SHISA5: variants seen among roughly 807,000 people sequenced by gnomAD.
SHISA5 encodes the protein protein shisa-5.
SHISA5 carries 21 observed loss-of-function variants against 27.5 expected under a neutral mutation model. That is an observed-to-expected ratio of 0.76 (90% confidence interval 0.54 to 1.10). The LOEUF is 1.10. Ranked by LOEUF, SHISA5 falls within the 50% of genes least tolerant of loss-of-function variation. The probability of loss-of-function intolerance (pLI) is 0.00; values close to 1 mark genes in which losing one functional copy is unlikely to be tolerated. For missense variants in SHISA5, 314 were observed against 336.3 expected, an observed-to-expected ratio of 0.93 and a Z score of 0.52; for synonymous variants, 137 against 142.2, an observed-to-expected ratio of 0.96 and a Z score of 0.26.
Position 48,473,049 on chromosome 3 carries a change from C to T in SHISA5, c.315-3206G>A. 2.0e-6 allele frequency: 3 copies of T among 1,531,542 alleles called. No individual in the cohort carries two copies. The highest frequency in any genetic ancestry group is 2.6e-6 in the Non-Finnish European group (3 of 1,145,766). The allele number at this position is 1,531,542 out of a possible 1,614,324, so 94.9% of individuals were successfully genotyped here. A position where few individuals can be genotyped will look rare whatever the true frequency, so the allele number is the denominator to read the frequency against. ...TGCCTTCACCCAGAGGCCTCCTGTA[C>T]CCCTGGGCTTTCCCCTCTTCCCATC... On this transcript the variant is annotated intron_variant, in intron 3 of 5. Coordinates refer to ENST00000296444, the MANE Select transcript of SHISA5 (RefSeq NM_016479.6). The surrounding 1 kb of genome is among the most constrained non-coding windows in gnomAD (Gnocchi z 4.3).
intron 2 of SHISA5, among the ~76,000 whole-genome samples, chr3:48,492,000 T>C (rs1233671696): frequency 1.3e-5 from 2 of 151,584 alleles, no homozygotes; most frequent in African/African-American, 4.8e-5. Context: ...CATTCATATC[T>C]GATTTTGATA....
chr3:48,502,353 G>A (rs749157722), intron 1 of SHISA5: 8 of 456,566 alleles, frequency 1.8e-5, no homozygotes, highest in Middle Eastern at 6.5e-4. Flanking sequence ...TTAGCCCCGC[G>A]CTGGGCCTGC....
chr3:48,483,091 ATT>A (rs71074250), intron 2 of SHISA5, among the ~76,000 whole-genome samples: 5 of 142,896 alleles, frequency 3.5e-5, no homozygotes, highest in Admixed American at 7.1e-5. Context: ...CACCTAGCTA[ATT>A]TTTTTTTTTT....
chr3:48,471,718 T>C (rs973607489), intron 3 of SHISA5, among the ~76,000 whole-genome samples: 2 of 150,086 alleles, frequency 1.3e-5, no homozygotes, highest in African/African-American at 4.9e-5. Flanking sequence ...TTCGAGAAAG[T>C]ATAAAAAAAA....
intron 2 of SHISA5, among the ~76,000 whole-genome samples, chr3:48,484,426 T>C (rs1405482639): frequency 6.6e-6 from 1 of 151,754 alleles, no homozygotes; most frequent in Non-Finnish European, 1.5e-5. Flanking sequence ...TGAAACCCTG[T>C]CTCTACTAAA....
chr3:48,478,290 T>A (rs2040889034), intron 3 of SHISA5, among the ~76,000 whole-genome samples: 1 of 152,188 alleles, frequency 6.6e-6, no homozygotes, highest in Non-Finnish European at 1.5e-5. Flanking sequence ...CCTGCCCTGA[T>A]TCTGCTGTAG....
At chr3:48,499,536 C>T (rs1182004916) in intron 2 of SHISA5, among the ~76,000 whole-genome samples, 5 of 150,912 alleles carry the variant, frequency 3.3e-5, no homozygotes, top group Admixed American at 2.0e-4. Flanking sequence ...AAAATTAGGC[C>T]GGGCGTGGTG....
At chr3:48,485,947 G>A (rs1328489571) in intron 2 of SHISA5, among the ~76,000 whole-genome samples, 1 of 151,072 alleles carries the variant, frequency 6.6e-6, no homozygotes, top group Non-Finnish European at 1.5e-5. Context: ...ATTCACTTAG[G>A]CTGGGACCCG....
Position 48,468,529 on chromosome 3 carries a change from G to A in SHISA5, c.*578C>T. On this transcript the variant is annotated 3_prime_UTR_variant, in exon 6 of 6. Transcript: ENST00000296444. ...CCCAACAGGCATGACAGGCTCCAGGGAGCAATGGGACATCTGCCCAAAGGA... is the reference window on the plus strand; with the variant it reads ...CCCAACAGGCATGACAGGCTCCAGGAAGCAATGGGACATCTGCCCAAAGGA... The A allele has an allele frequency of 1.7e-6, 2 of 1,187,508 alleles. No individual in the cohort carries two copies. Among genetic ancestry groups the A allele is most frequent in the Admixed American group, 3.7e-5 (1 of 27,238 alleles). The allele number at this position is 1,187,508 out of a possible 1,614,324, so 73.6% of individuals were successfully genotyped here.
chr3:48,476,914 A>AG, intron 3 of SHISA5: 1 of 359,708 alleles, frequency 2.8e-6, no homozygotes, highest in East Asian at 7.9e-5. Context: ...TATGCACACC[A>AG]CGGCGGCAGC....
intron 3 of SHISA5, among the ~76,000 whole-genome samples, chr3:48,478,637 TGAGAG>T (rs981561700): frequency 9.2e-5 from 14 of 152,090 alleles, no homozygotes; most frequent in African/African-American, 3.1e-4. Flanking sequence ...CTTGGTTCCC[TGAGAG>T]GAGAGTCCTG....
chr3:48,473,311 T>C lies in SHISA5; in HGVS notation c.315-3468A>G. The stretch of plus-strand genomic sequence containing the variant: ...CAGAGCTGCCTCCCTGAGCCAAGCC[T>C]ACAGGGCCTGACCTCAGAATGCAGC... On this transcript the variant is annotated intron_variant, in intron 3 of 5. Coordinates refer to ENST00000296444, the MANE Select transcript of SHISA5 (RefSeq NM_016479.6). This position sits in a 1 kb window ranked among gnomAD's most constrained non-coding sequence, Gnocchi z 4.3. 2 of 1,393,654 alleles carry C rather than the reference T, an allele frequency of 1.4e-6. No homozygotes were observed. Among genetic ancestry groups the C allele is most frequent in the South Asian group, 2.7e-5 (2 of 75,228 alleles). The allele number at this position is 1,393,654 out of a possible 1,614,324, so 86.3% of individuals were successfully genotyped here.
At position 48,473,053 on chromosome 3, in the gene SHISA5, T is replaced by G; in HGVS notation, c.315-3210A>C. The stretch of plus-strand genomic sequence containing the variant: ...TTCACCCAGAGGCCTCCTGTACCCC[T>G]GGGCTTTCCCCTCTTCCCATCGTGG... On this transcript the variant is annotated intron_variant, in intron 3 of 5. Transcript: ENST00000296444. The surrounding 1 kb of genome is among the most constrained non-coding windows in gnomAD (Gnocchi z 4.3). The G allele has an allele frequency of 2.0e-6, 3 of 1,530,936 alleles. No homozygotes were observed. Among genetic ancestry groups the G allele is most frequent in the Non-Finnish European group, 2.6e-6 (3 of 1,145,520 alleles). The allele number at this position is 1,530,936 out of a possible 1,614,324, so 94.8% of individuals were successfully genotyped here.
chr3:48,489,106 C>T (rs7623614), intron 2 of SHISA5, among the ~76,000 whole-genome samples: 11,934 of 151,984 alleles, frequency 0.079, 848 homozygotes, highest in African/African-American at 0.19. Flanking sequence ...CAAGCTTGTC[C>T]AACCTGTGAC....
chr3:48,495,162 G>A (rs1215190151), intron 2 of SHISA5, among the ~76,000 whole-genome samples: 2 of 146,294 alleles, frequency 1.4e-5, no homozygotes, highest in Admixed American at 6.7e-5. Context: ...AGGATGTAGA[G>A]CAAACTGGAA....
intron 3 of SHISA5, 94 bp downstream of exon 3, chr3:48,479,083 G>A (rs1012000560): frequency 2.5e-5 from 29 of 1,166,448 alleles, no homozygotes; most frequent in Middle Eastern, 2.7e-4. Flanking sequence ...CCCAATGACC[G>A]AATCATCCCA....
At chr3:48,479,067 C>T in intron 3 of SHISA5, 110 bp downstream of exon 3, 1 of 966,892 alleles carries the variant, frequency 1.0e-6, no homozygotes. Context: ...GTTTCTTGGG[C>T]TCCACCCCAA....
chr3:48,486,423 A>T lies in SHISA5; in HGVS notation c.234-7166T>A, dbSNP rs377280189. On this transcript the variant is annotated intron_variant, in intron 2 of 5. Transcript: ENST00000296444. Reference sequence around the variant, plus strand: ...TAATATATAATATATATTATATATTATATATTTTATATATTTATAATATTA... The same window carrying T: ...TAATATATAATATATATTATATATTTTATATTTTATATATTTATAATATTA... Among the ~76,000 whole-genome samples, 147 of 99,596 alleles carry T rather than the reference A, an allele frequency of 1.5e-3. 3 individuals are homozygous for T. Among genetic ancestry groups the T allele is most frequent in the South Asian group, 9.1e-3 (36 of 3,940 alleles). 65.3% of individuals were successfully genotyped at this position (99,596 alleles called of 152,430 possible). A position where few individuals can be genotyped will look rare whatever the true frequency, so the allele number is the denominator to read the frequency against.
chr3:48,497,798 G>A (rs1390859561), intron 2 of SHISA5, among the ~76,000 whole-genome samples: 2 of 151,882 alleles, frequency 1.3e-5, no homozygotes, highest in African/African-American at 4.8e-5. Context: ...TGAGGTAGGA[G>A]GATATGCTTC....
Sources: gnomAD v4.1 joint callset for allele counts (sites outside exome capture counted in the v4.1 genomes callset) on GRCh38, gnomAD v4.1.1 for gene constraint, Gnocchi (gnomAD v3.1) non-coding constraint, MANE v1.5 for transcripts, NCBI Gene and HGNC (gene_info 2026-07-23, HGNC 2026-07-21) for gene names.